Variants in ADAM12 observed in about 807,000 individuals in gnomAD.
ADAM12 encodes the protein ADAM metallopeptidase domain 12.
Under a neutral mutation model 106.4 loss-of-function variants are expected in ADAM12, and 70 were observed. That is an observed-to-expected ratio of 0.66 (90% CI 0.54 to 0.80). The LOEUF (loss-of-function observed/expected upper bound fraction) is 0.80, where lower values mean the gene tolerates loss of function less well. Among genes scored for constraint, ADAM12 ranks in the 30% least tolerant of loss-of-function variants. The probability of loss-of-function intolerance (pLI) is 0.00; values close to 1 mark genes in which losing one functional copy is unlikely to be tolerated. For synonymous variants in ADAM12, 420 were observed against 433.5 expected, an observed-to-expected ratio of 0.97 and a Z score of 0.39; for missense variants, 1,010 against 1,171.9, an observed-to-expected ratio of 0.86 and a Z score of 2.02.
intron 9 of ADAM12, among the ~76,000 whole-genome samples, chr10:126,099,872 T>G (rs927418342): frequency 6.6e-6 from 1 of 152,234 alleles, no homozygotes; most frequent in African/African-American, 2.4e-5. Flanking sequence ...CTTTCTGTGC[T>G]ATAAGCCACA....
At chr10:126,251,885 A>ATGAATGG (rs1565168728) in intron 3 of ADAM12, among the ~76,000 whole-genome samples, 131 of 69,080 alleles carry the variant, frequency 1.9e-3, no homozygotes, top group East Asian at 2.4e-3. Flanking sequence ...GGATGGATGC[A>ATGAATGG]ATGGATGGAT....
chr10:126,177,034 GCACATGTGCACACACACACACACGCA>G (rs1957231272), intron 3 of ADAM12, among the ~76,000 whole-genome samples: 1 of 132,504 alleles, frequency 7.5e-6, no homozygotes, highest in South Asian at 2.4e-4. Context: ...ATGTGTGTGT[GCACATGTGCACACACACACACACGCA>G]CACACACACG....
intron 1 of ADAM12, among the ~76,000 whole-genome samples, chr10:126,385,502 C>T (rs1856631863): frequency 6.6e-6 from 1 of 152,170 alleles, no homozygotes; most frequent in Non-Finnish European, 1.5e-5. Context: ...CACAATATCA[C>T]AGCTTGGTGC....
chr10:126,280,325 A>G (rs71490762), intron 2 of ADAM12, among the ~76,000 whole-genome samples: 5,659 of 152,322 alleles, frequency 0.037, 150 homozygotes, highest in Non-Finnish European at 0.053. Flanking sequence ...TTTTTAGGGC[A>G]GCCCTTTGCA....
intron 1 of ADAM12, among the ~76,000 whole-genome samples, chr10:126,338,664 T>C (rs898234634): frequency 3.9e-5 from 6 of 152,202 alleles, no homozygotes; most frequent in Non-Finnish European, 7.3e-5. Context: ...TGCCTAATAA[T>C]ATAAATGGTG....
chr10:126,181,890 C>T (rs1038709912), intron 3 of ADAM12, among the ~76,000 whole-genome samples: 3 of 152,144 alleles, frequency 2.0e-5, no homozygotes, highest in Admixed American at 1.3e-4. Flanking sequence ...TGAGATCCAC[C>T]GGGAGATTAC....
At chr10:126,200,410 A>G (rs1957676736) in intron 3 of ADAM12, among the ~76,000 whole-genome samples, 1 of 152,194 alleles carries the variant, frequency 6.6e-6, no homozygotes, top group African/African-American at 2.4e-5. Context: ...TTGAACAGTA[A>G]CCAACACCAA....
At chr10:126,317,769 T>C (rs1853937393) in intron 2 of ADAM12, among the ~76,000 whole-genome samples, 1 of 152,182 alleles carries the variant, frequency 6.6e-6, no homozygotes, top group African/African-American at 2.4e-5. Flanking sequence ...TTTATTTTAT[T>C]ATTTTTTGAG....
intron 5 of ADAM12, among the ~76,000 whole-genome samples, chr10:126,132,347 T>TGACCTTTGAAGAAAGAGGTC (rs1345907536): frequency 5.3e-5 from 8 of 152,182 alleles, no homozygotes; most frequent in African/African-American, 1.7e-4. Context: ...CTTCAACACA[T>TGACCTTTGAAGAAAGAGGTC]GACCTTTGAA....
chr10:126,121,130 A>AGTATATATAGAAT (rs369707256), intron 5 of ADAM12, among the ~76,000 whole-genome samples: 1 of 75,608 alleles, frequency 1.3e-5, no homozygotes, highest in Non-Finnish European at 2.2e-5. Context: ...TAGTATATAT[A>AGTATATATAGAAT]CTATATACTA....
At chr10:126,080,500 G>C (rs551968822) in intron 11 of ADAM12, among the ~76,000 whole-genome samples, 20 of 151,634 alleles carry the variant, frequency 1.3e-4, no homozygotes, top group Non-Finnish European at 2.4e-4. Context: ...GCGTGAGAAT[G>C]CTTTAAAATG....
chr10:126,246,116 C>T (rs1004318629), intron 3 of ADAM12, among the ~76,000 whole-genome samples: 1 of 152,092 alleles, frequency 6.6e-6, no homozygotes, highest in African/African-American at 2.4e-5. Flanking sequence ...ATGAGGGACA[C>T]AAAACCCTTG....
intron 3 of ADAM12, among the ~76,000 whole-genome samples, chr10:126,176,304 G>A (rs960899749): frequency 1.3e-5 from 2 of 152,232 alleles, no homozygotes; most frequent in East Asian, 1.9e-4. Context: ...TCACCAAGAG[G>A]GTAAACACTG....
At chr10:126,147,785 T>A (rs776240862) in intron 4 of ADAM12, among the ~76,000 whole-genome samples, 7 of 152,252 alleles carry the variant, frequency 4.6e-5, no homozygotes, top group Non-Finnish European at 1.0e-4. Context: ...GTCTTCTTCC[T>A]CTAGCCTCCC....
chr10:126,315,060 A>G (rs1853809454), intron 2 of ADAM12, among the ~76,000 whole-genome samples: 1 of 152,204 alleles, frequency 6.6e-6, no homozygotes, highest in Admixed American at 6.5e-5. Flanking sequence ...GAAATGAAAC[A>G]GTTAAACTCA....
At position 126,165,794 on chromosome 10, in the gene ADAM12, C is replaced by T. The variant is rs147758133; in HGVS notation, c.261-10489G>A. On this transcript the variant is annotated intron_variant, in intron 3 of 22. Transcript: ENST00000448723. ...GAAGAGACACTTGAAAACGGTGCTA[C>T]GCTATTTCTCTTCACACGCAATTCA... Among the ~76,000 whole-genome samples the T allele has an allele frequency of 2.4e-4, 36 of 152,306 alleles. 1 individual carries two copies. In the East Asian group the frequency reaches 4.2e-3, roughly 18 times the overall value.
chr10:126,303,566 A>G (rs1422489432), intron 2 of ADAM12, among the ~76,000 whole-genome samples: 1 of 152,214 alleles, frequency 6.6e-6, no homozygotes, highest in Non-Finnish European at 1.5e-5. Flanking sequence ...GCTCTTGGGC[A>G]TTTTTGAAGT....
At chr10:126,155,136 C>T in intron 4 of ADAM12, 91 bp downstream of exon 4, 12 of 1,380,966 alleles carry the variant, frequency 8.7e-6, no homozygotes, top group Non-Finnish European at 1.2e-5. Flanking sequence ...AGAATCTGGG[C>T]ATGTGATTTT....
At chr10:126,264,332 G>A (rs7902734) in intron 3 of ADAM12, among the ~76,000 whole-genome samples, 43,522 of 152,116 alleles carry the variant, frequency 0.29, 6,555 homozygotes, top group South Asian at 0.42. Context: ...GCCAGTTGAA[G>A]CTGAAGAAGT....
Sources: allele counts gnomAD v4.1 joint callset (sites outside exome capture counted in the v4.1 genomes callset), GRCh38; gene constraint gnomAD v4.1.1; transcripts MANE v1.5; gene names NCBI Gene and HGNC (gene_info 2026-07-23, HGNC 2026-07-21).